The following ADAM19 variants were observed in gnomAD, a reference collection of about 807,000 sequenced individuals.
The protein encoded by ADAM19 is ADAM metallopeptidase domain 19, also known as disintegrin and metalloproteinase domain-containing protein 19.
Under a neutral mutation model 114.7 loss-of-function variants are expected in ADAM19, and 65 were observed. The ratio of observed to expected loss-of-function variants is 0.57; its 90% CI spans 0.46 to 0.70. ADAM19 has a LOEUF of 0.70. ADAM19 is among the 30% of genes least tolerant of loss of function. ADAM19 has a pLI of 0.00. For missense variants in ADAM19, 1,063 were observed against 1,204.7 expected, an observed-to-expected ratio of 0.88 and a Z score of 1.74; for synonymous variants, 466 against 460.5, an observed-to-expected ratio of 1.01 and a Z score of -0.15.
chr5:157,543,032 C>T (rs560471030), intron 3 of ADAM19, among the ~76,000 whole-genome samples: 1 of 152,156 alleles, frequency 6.6e-6, no homozygotes, highest in East Asian at 1.9e-4. Flanking sequence ...GAAAAGATAA[C>T]CCCAAAGGTT....
intron 13 of ADAM19, among the ~76,000 whole-genome samples, chr5:157,498,688 GTA>G (rs55867903): frequency 0.12 from 17,317 of 143,772 alleles, 1,083 homozygotes; most frequent in Middle Eastern, 0.16. Context: ...ATGTGTGTAT[GTA>G]TATATATATA....
chr5:157,492,290 T>G (rs1165525430), intron 16 of ADAM19, among the ~76,000 whole-genome samples: 1 of 152,066 alleles, frequency 6.6e-6, no homozygotes, highest in Non-Finnish European at 1.5e-5. Flanking sequence ...AGACTCCATC[T>G]TAAAAGAAAA....
At chr5:157,535,151 G>C (rs1756728850) in intron 4 of ADAM19, among the ~76,000 whole-genome samples, 1 of 152,214 alleles carries the variant, frequency 6.6e-6, no homozygotes, top group Non-Finnish European at 1.5e-5. Context: ...TTGCAAATGA[G>C]AAAACTCAAC....
At position 157,539,243 on chromosome 5, in the gene ADAM19, T is replaced by C. The variant is rs147087327; in HGVS notation, c.252-1252A>G. On this transcript the variant is annotated intron_variant, in intron 3 of 22. Coordinates refer to ENST00000257527, the MANE Select transcript of ADAM19 (RefSeq NM_033274.5). ...TTGCAGAAGATGTTTACAATATAAG[T>C]TGCATATTTCTGAAGTTGGTTGACT... Among the ~76,000 whole-genome samples the C allele has an allele frequency of 2.9e-3, 436 of 152,224 alleles. 4 individuals carry two copies. The highest frequency in any genetic ancestry group is 9.8e-3 in the African/African-American group (408 of 41,504).
Position 157,480,575 on chromosome 5 carries a change from T to G in ADAM19, c.*374A>C. On this transcript the variant is annotated 3_prime_UTR_variant, in exon 23 of 23. Transcript: ENST00000257527. ...TCTTGCGTGCCCTGCACCCCAGGAG[T>G]GAATGGATGGCTTCTGCAAGCGAAG... 1.9e-6 allele frequency: 2 copies of G among 1,071,196 alleles called. No individual in the cohort carries two copies. Among genetic ancestry groups the G allele is most frequent in the Non-Finnish European group, 2.3e-6 (2 of 882,926 alleles). 66.4% of individuals were successfully genotyped at this position (1,071,196 alleles called of 1,614,324 possible). A position where few individuals can be genotyped will look rare whatever the true frequency, so the allele number is the denominator to read the frequency against.
intron 3 of ADAM19, among the ~76,000 whole-genome samples, chr5:157,556,198 TTTTTC>T (rs1757361477): frequency 7.5e-6 from 1 of 133,692 alleles, no homozygotes. Flanking sequence ...AACCTGTTTT[TTTTTC>T]TTTTTCTTTT....
Position 157,537,991 on chromosome 5 carries a change from C to A in ADAM19, c.252G>T (p.Glu84Asp). 6.2e-7 allele frequency: 1 copy of A among 1,613,028 alleles called. No individual in the cohort carries two copies. The highest frequency in any genetic ancestry group is 8.5e-7 in the Non-Finnish European group (1 of 1,179,330). ...CTGTGTAGGAAGGAGCAAAAAGTTG[C>A]CTGCAAAAAATAAAAAGAGACATTT... Reference protein sequence around the residue: ...RELILDLEKNEQLFAPSYTET... With the variant: ...RELILDLEKNDQLFAPSYTET... The change falls in exon 4 of 23, where the codon GAG becomes GAT. Residue 84 changes from glutamate (E) to aspartate (D), a missense_variant and splice_region_variant. Transcript: ENST00000257527.
At chr5:157,554,452 T>C (rs554255388) in intron 3 of ADAM19, among the ~76,000 whole-genome samples, 1 of 152,336 alleles carries the variant, frequency 6.6e-6, no homozygotes, top group African/African-American at 2.4e-5. Flanking sequence ...CAACCTCATA[T>C]TGGACAGTTC....
chr5:157,519,544 C>T (rs2113740467), intron 6 of ADAM19, among the ~76,000 whole-genome samples: 1 of 152,290 alleles, frequency 6.6e-6, no homozygotes, highest in East Asian at 1.9e-4. Flanking sequence ...TTTAGCCTCC[C>T]AAAGTGCTGG....
rs757973144 is a variant in ADAM19 at position 157,575,478 on chromosome 5, G to A, written c.94+125C>T. 6.7e-4 allele frequency: 431 copies of A among 643,228 alleles called. 2 individuals are homozygous for A. The highest frequency in any genetic ancestry group is 1.2e-3 in the South Asian group (41 of 34,082). 39.8% of individuals were successfully genotyped at this position (643,228 alleles called of 1,614,324 possible). A position where few individuals can be genotyped will look rare whatever the true frequency, so the allele number is the denominator to read the frequency against. On this transcript the variant is annotated intron_variant, in intron 1 of 22. Transcript: ENST00000257527. The stretch of plus-strand genomic sequence containing the variant: ...CCCGGGCTCCCAGGCTGGGGACGGC[G>A]GGGGCGCAGGCCCCGCGGAGTTGCG...
rs1283372987 is a variant in ADAM19 at position 157,502,929 on chromosome 5, C to A, written c.1182G>T (p.Arg394Ser). 8 of 1,614,178 alleles carry A rather than the reference C, an allele frequency of 5.0e-6. No homozygotes were observed. The highest frequency in any genetic ancestry group is 4.4e-5 in the South Asian group (4 of 91,080). ...FNGCNRRELD[R>S]YLQSGGGMCL... Reference sequence around the variant, plus strand: ...ACATTCCACCACCTGACTGCAGATACCTGTCCAGCTCCCTCCTGTTGCATC... The same window carrying A: ...ACATTCCACCACCTGACTGCAGATAACTGTCCAGCTCCCTCCTGTTGCATC... The change falls in exon 12 of 23, where the codon AGG (arginine) becomes AGT (serine). Residue 394 changes from arginine (R) to serine (S), a missense_variant. This residue lies in a region of ADAM19 where 615 missense variants were observed against 706.3 expected (regional missense o/e 0.87). Coordinates refer to ENST00000257527, the MANE Select transcript of ADAM19 (RefSeq NM_033274.5).
At chr5:157,534,084 G>C (rs780380931) in intron 4 of ADAM19, among the ~76,000 whole-genome samples, 1 of 152,124 alleles carries the variant, frequency 6.6e-6, no homozygotes, top group Admixed American at 6.5e-5. Context: ...CTCGAAAATA[G>C]AGCACCTGGC....
Position 157,513,506 on chromosome 5 carries a change from C to G in ADAM19, c.667-1G>C. On this transcript the variant is annotated splice_acceptor_variant, in intron 7 of 22. Transcript: ENST00000257527. LOFTEE classifies it high-confidence loss of function. ...CCTGGTCTCGTCGATTCTTCTGAAA[C>G]TAAATGGGACAAGCAGAACCATGTG... 2 of 1,613,852 alleles carry G rather than the reference C, an allele frequency of 1.2e-6. No homozygotes were observed. Among genetic ancestry groups the G allele is most frequent in the Non-Finnish European group, 1.7e-6 (2 of 1,179,766 alleles).
intron 4 of ADAM19, among the ~76,000 whole-genome samples, chr5:157,537,218 A>C (rs1756792474): frequency 6.6e-6 from 1 of 152,222 alleles, no homozygotes; most frequent in Non-Finnish European, 1.5e-5. Flanking sequence ...CTGAGCCTAC[A>C]AATTCCAATA....
intron 5 of ADAM19, among the ~76,000 whole-genome samples, chr5:157,521,788 G>A (rs149672829): frequency 1.2e-4 from 18 of 152,310 alleles, no homozygotes; most frequent in African/African-American, 3.8e-4. Flanking sequence ...GCTGCTGCAC[G>A]CATCCTGTTC....
intron 16 of ADAM19, 34 bp downstream of exon 16, chr5:157,492,939 G>A: frequency 1.2e-6 from 2 of 1,608,394 alleles, no homozygotes; most frequent in South Asian, 1.1e-5. Context: ...CTGCTCTGCA[G>A]CTGGCTCCTA....
Position 157,492,972 on chromosome 5 carries a change from C to T in ADAM19, c.1908+1G>A. On this transcript the variant is annotated splice_donor_variant, in intron 16 of 22. Coordinates refer to ENST00000257527, the MANE Select transcript of ADAM19 (RefSeq NM_033274.5). LOFTEE classifies it high-confidence loss of function. ...CTAGGTGAGCAGGGGAGGGGACTCACATGGTTGTAGCCACACTTGGTTCCA... is the reference window on the plus strand; with the variant it reads ...CTAGGTGAGCAGGGGAGGGGACTCATATGGTTGTAGCCACACTTGGTTCCA... 2 of 1,614,220 alleles carry T rather than the reference C, an allele frequency of 1.2e-6. No homozygotes were observed. The highest frequency in any genetic ancestry group is 1.7e-6 in the Non-Finnish European group (2 of 1,180,024).
At position 157,493,060 on chromosome 5, in the gene ADAM19, GC is replaced by G; in HGVS notation, c.1820del (p.Gly607AlafsTer20). On this transcript the variant is annotated frameshift_variant, in exon 16 of 23. Coordinates refer to ENST00000257527, the MANE Select transcript of ADAM19 (RefSeq NM_033274.5). LOFTEE classifies it high-confidence loss of function. ...CCTCAGGACCTCGGTAGACGTGGGTGCCCCGGCACTGGATCTGCCTCCCATT... is the reference window on the plus strand; with the variant it reads ...CCTCAGGACCTCGGTAGACGTGGGTGCCCGGCACTGGATCTGCCTCCCATT... ...IMNGRQIQCR[G>X]THVYRGPEEE... is the part of the protein sequence containing the mutation. 6.2e-7 allele frequency: 1 copy of G among 1,614,240 alleles called. No homozygotes were observed. Among genetic ancestry groups the G allele is most frequent in the Non-Finnish European group, 8.5e-7 (1 of 1,180,044 alleles).
chr5:157,570,117 T>C (rs1033160732), intron 2 of ADAM19, among the ~76,000 whole-genome samples: 19 of 152,136 alleles, frequency 1.2e-4, no homozygotes, highest in African/African-American at 4.6e-4. Context: ...AAAATTAGCC[T>C]GGCTTCGCAG....
Sources: gnomAD v4.1 joint callset for allele counts (sites outside exome capture counted in the v4.1 genomes callset) on GRCh38, gnomAD v4.1.1 for gene constraint, gnomAD v4.1.1 regional missense constraint, MANE v1.5 for transcripts, NCBI Gene and HGNC (gene_info 2026-07-23, HGNC 2026-07-21) for gene names.